SOX5: variants seen among roughly 807,000 people sequenced by gnomAD.
SOX5 encodes the protein SRY-box transcription factor 5, also known as transcription factor SOX-5.
In SOX5, 9 loss-of-function variants were observed where a neutral mutation model predicts 92.0. The observed-to-expected ratio is 0.10, with a 90% CI of 0.06 to 0.17. SOX5 has a LOEUF of 0.17. Among genes scored for constraint, SOX5 ranks in the 10% least tolerant of loss-of-function variants. SOX5 has a pLI of 1.00. For synonymous variants in SOX5, 344 were observed against 336.3 expected, an observed-to-expected ratio of 1.02 and a Z score of -0.25; for missense variants, 642 against 944.5, an observed-to-expected ratio of 0.68 and a Z score of 4.20.
intron 1 of SOX5, among the ~76,000 whole-genome samples, chr12:24,450,363 C>CA (rs1456853272): frequency 1.3e-5 from 2 of 151,970 alleles, no homozygotes; most frequent in African/African-American, 4.8e-5. Flanking sequence ...GGCTACATAG[C>CA]AGGTATATAT....
chr12:24,339,559 A>C (rs574115), intron 2 of SOX5, among the ~76,000 whole-genome samples: 1 of 152,030 alleles, frequency 6.6e-6, no homozygotes, highest in Non-Finnish European at 1.5e-5. Context: ...GCCATCGAAG[A>C]GTTCTGTAGA....
At chr12:24,082,164 G>A (rs747841245) in intron 4 of SOX5, among the ~76,000 whole-genome samples, 3 of 151,814 alleles carry the variant, frequency 2.0e-5, no homozygotes. Context: ...GCCAGCATAT[G>A]CATGACGGAG....
intron 4 of SOX5, among the ~76,000 whole-genome samples, chr12:24,212,855 A>G (rs1273811178): frequency 2.0e-5 from 3 of 152,234 alleles, no homozygotes; most frequent in African/African-American, 7.2e-5. Context: ...GTTGGCAAAC[A>G]GATTGACTCT....
intron 2 of SOX5, among the ~76,000 whole-genome samples, chr12:24,346,181 G>A (rs997291868): frequency 6.6e-6 from 1 of 152,134 alleles, no homozygotes; most frequent in East Asian, 1.9e-4. Context: ...CATGCATTTA[G>A]GGAAATTTTC....
At chr12:23,895,634 T>C (rs905667102) in intron 2 of SOX5, among the ~76,000 whole-genome samples, 159 bp downstream of exon 2, 4 of 152,188 alleles carry the variant, frequency 2.6e-5, no homozygotes, top group African/African-American at 9.7e-5. Flanking sequence ...ATGCTGCTTA[T>C]TGGAACAAAT....
At chr12:23,915,765 A>G (rs955900379) in intron 1 of SOX5, among the ~76,000 whole-genome samples, 1 of 152,210 alleles carries the variant, frequency 6.6e-6, no homozygotes, top group Non-Finnish European at 1.5e-5. Context: ...AATCAAGGAC[A>G]GTAGGACATG....
At chr12:23,697,379 C>T (rs2140145363) in intron 6 of SOX5, among the ~76,000 whole-genome samples, 1 of 152,096 alleles carries the variant, frequency 6.6e-6, no homozygotes, top group Non-Finnish European at 1.5e-5. Flanking sequence ...ATAGCTATTC[C>T]AGTTTTCTTT....
At chr12:24,127,725 G>T (rs751522099) in intron 4 of SOX5, among the ~76,000 whole-genome samples, 5 of 152,148 alleles carry the variant, frequency 3.3e-5, no homozygotes, top group Non-Finnish European at 5.9e-5. Context: ...TTTGGGAGGG[G>T]TATGATACAT....
intron 1 of SOX5, among the ~76,000 whole-genome samples, chr12:23,911,033 T>C (rs2097346453): frequency 6.6e-6 from 1 of 152,078 alleles, no homozygotes; most frequent in Non-Finnish European, 1.5e-5. Flanking sequence ...TTTTTTCTTA[T>C]GAAACAGATA....
intron 9 of SOX5, among the ~76,000 whole-genome samples, chr12:23,580,400 T>C (rs1949879002): frequency 6.6e-6 from 1 of 152,030 alleles, no homozygotes; most frequent in African/African-American, 2.4e-5. Context: ...ATACAAACAT[T>C]TGCTATTCTA....
At chr12:24,415,748 C>G (rs905363953) in intron 1 of SOX5, among the ~76,000 whole-genome samples, 1 of 152,118 alleles carries the variant, frequency 6.6e-6, no homozygotes, top group African/African-American at 2.4e-5. Flanking sequence ...AAAATACACA[C>G]GTAGTATTGT....
intron 7 of SOX5, among the ~76,000 whole-genome samples, chr12:23,661,785 C>G (rs561803274): frequency 1.3e-5 from 2 of 152,240 alleles, no homozygotes; most frequent in South Asian, 2.1e-4. Flanking sequence ...GTACTTGAAC[C>G]AATTCATTTG....
chr12:23,783,671 T>C (rs915387295), intron 3 of SOX5, among the ~76,000 whole-genome samples: 2 of 152,180 alleles, frequency 1.3e-5, no homozygotes, highest in Non-Finnish European at 2.9e-5. Flanking sequence ...GAAAACCATA[T>C]AGCACAAGAT....
At chr12:23,971,120 A>AATTTTT (rs1460686832) in intron 4 of SOX5, among the ~76,000 whole-genome samples, 1 of 14,514 alleles carries the variant, frequency 6.9e-5, no homozygotes, top group Non-Finnish European at 1.3e-4. Context: ...GTGTCAGCTG[A>AATTTTT]CTTTTTTTTT....
At position 23,723,292 on chromosome 12, in the gene SOX5, C is replaced by A. The variant is rs374489794; in HGVS notation, c.810+11392G>T. Among the ~76,000 whole-genome samples, 35 of 152,014 alleles carry A rather than the reference C, an allele frequency of 2.3e-4. 1 individual carries two copies. The East Asian group carries it at 6.2e-3, about 27-fold the overall frequency. On this transcript the variant is annotated intron_variant, in intron 6 of 14. Transcript: ENST00000451604. ...ATGAAAACAAACTCAATCTTTCCAA[C>A]TTACTCTGTTTATTACTGATCAAGT...
At chr12:24,481,864 A>G (rs1946034205) in intron 1 of SOX5, among the ~76,000 whole-genome samples, 1 of 152,184 alleles carries the variant, frequency 6.6e-6, no homozygotes, top group Admixed American at 6.5e-5. Flanking sequence ...ATCTGCTGGC[A>G]TGGTACCTAA....
At chr12:23,866,770 A>G (rs1163834037) in intron 2 of SOX5, among the ~76,000 whole-genome samples, 3 of 152,100 alleles carry the variant, frequency 2.0e-5, no homozygotes, top group East Asian at 1.9e-4. Flanking sequence ...TTCATCTTCA[A>G]TCCTCTAAAA....
At chr12:23,876,185 A>G (rs1459623798) in intron 2 of SOX5, among the ~76,000 whole-genome samples, 2 of 152,232 alleles carry the variant, frequency 1.3e-5, no homozygotes, top group Admixed American at 1.3e-4. Flanking sequence ...CACAGTGAAC[A>G]GGCAACCTAC....
chr12:24,106,844 A>G (rs1190116969), intron 4 of SOX5, among the ~76,000 whole-genome samples: 1 of 148,824 alleles, frequency 6.7e-6, no homozygotes, highest in Admixed American at 6.7e-5. Context: ...AATAATAAAT[A>G]GAAGCATATT....
Sources: gnomAD v4.1 joint callset for allele counts (sites outside exome capture counted in the v4.1 genomes callset) on GRCh38, gnomAD v4.1.1 for gene constraint, MANE v1.5 for transcripts, NCBI Gene and HGNC (gene_info 2026-07-23, HGNC 2026-07-21) for gene names.